The following NBAS variants were observed in gnomAD, a reference collection of about 807,000 sequenced individuals.
The protein encoded by NBAS is NBAS subunit of NRZ tethering complex, also known as NAG/BC035112 fusion.
In NBAS, 219 loss-of-function variants were observed where a neutral mutation model predicts 302.5. That is an observed-to-expected ratio of 0.72 (90% CI 0.65 to 0.81). The LOEUF is 0.81. Among genes scored for constraint, NBAS ranks in the 30% least tolerant of loss-of-function variants. The probability of loss-of-function intolerance (pLI) is 0.00; values close to 1 mark genes in which losing one functional copy is unlikely to be tolerated. For synonymous variants in NBAS, 1,118 were observed against 1,021.6 expected (o/e 1.09, Z -1.80); for missense variants, 2,932 against 2,841.6 (o/e 1.03, Z -0.72).
rs13393701 is a variant in NBAS, at chr2:15,198,853, G to A, written c.6433-8450C>T. 7.4e-3 allele frequency among the ~76,000 whole-genome samples: 1,128 copies of A among 152,216 alleles called. 16 individuals are homozygous for A. The highest frequency in any genetic ancestry group is 0.026 in the African/African-American group (1,081 of 41,528). ...TAAGAGTTAGAAAAATTGGCCGGGC[G>A]CGGTGGCTCACGCCTGTAATCCCAG... On this transcript the variant is annotated intron_variant, in intron 48 of 51. Coordinates refer to ENST00000281513, the MANE Select transcript of NBAS (RefSeq NM_015909.4).
the NBAS span, among the ~76,000 whole-genome samples, chr2:14,858,325 A>G: frequency 1.3e-5 from 2 of 152,172 alleles, no homozygotes; most frequent in African/African-American, 4.8e-5. Flanking sequence ...TACCCAAAAG[A>G]AAGGAAATCA....
At chr2:15,439,336 C>T (rs1342905731) in intron 21 of NBAS, among the ~76,000 whole-genome samples, 2 of 151,544 alleles carry the variant, frequency 1.3e-5, no homozygotes, top group East Asian at 3.9e-4. Flanking sequence ...GAATATTACC[C>T]CAGCAGGTGA....
At chr2:15,186,439 G>GAC (rs1421507021) in intron 50 of NBAS, among the ~76,000 whole-genome samples, 1 of 152,106 alleles carries the variant, frequency 6.6e-6, no homozygotes, top group Non-Finnish European at 1.5e-5. Flanking sequence ...GATAATGCCT[G>GAC]AGCTACCATG....
the NBAS span, among the ~76,000 whole-genome samples, chr2:14,879,712 C>T: frequency 2.4e-4 from 37 of 152,214 alleles, no homozygotes; most frequent in Middle Eastern, 3.4e-3. Flanking sequence ...ATGACTAGAA[C>T]ACTATGCTAC....
At chr2:14,781,529 A>C in the NBAS span, among the ~76,000 whole-genome samples, 37 of 152,140 alleles carry the variant, frequency 2.4e-4, no homozygotes, top group Admixed American at 1.2e-3. Flanking sequence ...CTTTTCTGAA[A>C]ATGGCAGAGG....
rs554254195 is a variant in NBAS at position 15,290,767 on chromosome 2, A to C, written c.5027+1770T>G. Among the ~76,000 whole-genome samples, 47 of 152,340 alleles carry C rather than the reference A, an allele frequency of 3.1e-4. No homozygotes were observed. In the South Asian group the frequency reaches 9.5e-3, roughly 31 times the overall value. On this transcript the variant is annotated intron_variant, in intron 41 of 51. Coordinates refer to ENST00000281513, the MANE Select transcript of NBAS (RefSeq NM_015909.4). ...CGTTATGAAATTATGAACCTCCAGA[A>C]GGACAGAGGAGAAGAGAAAAACAAT...
chr2:14,815,566 C>T, the NBAS span, among the ~76,000 whole-genome samples: 1 of 152,204 alleles, frequency 6.6e-6, no homozygotes, highest in African/African-American at 2.4e-5. Context: ...TCAGCCTCTT[C>T]TCTCTCTGTT....
the NBAS span, among the ~76,000 whole-genome samples, chr2:15,022,524 C>G: frequency 7.9e-5 from 12 of 152,162 alleles, no homozygotes; most frequent in Non-Finnish European, 8.8e-5. Flanking sequence ...TAACATACCC[C>G]CTAAAGAGAA....
chr2:15,413,855 C>T (rs1280337843), intron 25 of NBAS, among the ~76,000 whole-genome samples: 1 of 152,180 alleles, frequency 6.6e-6, no homozygotes, highest in Non-Finnish European at 1.5e-5. Flanking sequence ...TCACTGTTCT[C>T]TGTTTTGAGA....
chr2:15,130,741 C>G, the NBAS span, among the ~76,000 whole-genome samples: 1 of 152,232 alleles, frequency 6.6e-6, no homozygotes, highest in African/African-American at 2.4e-5. Flanking sequence ...GGGATCATCT[C>G]TTCTCGAAGT....
the NBAS span, among the ~76,000 whole-genome samples, chr2:14,894,224 C>T: frequency 6.6e-6 from 1 of 151,860 alleles, no homozygotes; most frequent in Non-Finnish European, 1.5e-5. Flanking sequence ...GAGAGTAAAC[C>T]AAGAAAGAAT....
chr2:15,156,235 C>T, the NBAS span, among the ~76,000 whole-genome samples: 3 of 152,122 alleles, frequency 2.0e-5, no homozygotes, highest in South Asian at 2.1e-4. Flanking sequence ...TCTGTACAAG[C>T]CATGGGCCCT....
chr2:15,034,014 A>G, the NBAS span, among the ~76,000 whole-genome samples: 517 of 48,120 alleles, frequency 0.011, 47 homozygotes, highest in East Asian at 0.21. Context: ...AAGAAGAAGA[A>G]GAAGAAGAAG....
At chr2:14,907,110 C>T in the NBAS span, among the ~76,000 whole-genome samples, 1 of 152,150 alleles carries the variant, frequency 6.6e-6, no homozygotes, top group African/African-American at 2.4e-5. Context: ...CTATCTTTGG[C>T]CCACTAGTGC....
intron 35 of NBAS, among the ~76,000 whole-genome samples, chr2:15,332,122 T>A (rs1047520955): frequency 1.3e-5 from 2 of 152,114 alleles, no homozygotes; most frequent in African/African-American, 2.4e-5. Flanking sequence ...TCAGGCGACA[T>A]CCAGCAAGAT....
the NBAS span, among the ~76,000 whole-genome samples, chr2:15,074,106 T>C: frequency 6.6e-6 from 1 of 152,094 alleles, no homozygotes; most frequent in Non-Finnish European, 1.5e-5. Flanking sequence ...GGTTCAGGAA[T>C]AGACAGAGCA....
chr2:15,447,482 G>A (rs1236694141), intron 21 of NBAS, among the ~76,000 whole-genome samples: 1 of 152,150 alleles, frequency 6.6e-6, no homozygotes, highest in Non-Finnish European at 1.5e-5. Flanking sequence ...CAAGATAGTG[G>A]CTCTCTGGAG....
At chr2:15,424,502 C>A (rs1324479363) in intron 22 of NBAS, 34 bp from the exon 23 acceptor site, 1 of 1,611,428 alleles carries the variant, frequency 6.2e-7, no homozygotes, top group African/African-American at 1.3e-5. Context: ...TAATAACTGA[C>A]TAGAATGTTG....
At chr2:14,855,461 T>C in the NBAS span, among the ~76,000 whole-genome samples, 1 of 151,846 alleles carries the variant, frequency 6.6e-6, no homozygotes, top group Non-Finnish European at 1.5e-5. Flanking sequence ...CCAAGTGGGC[T>C]CTTGGGGGTG....
Sources: allele counts gnomAD v4.1 joint callset (sites outside exome capture counted in the v4.1 genomes callset), GRCh38; gene constraint gnomAD v4.1.1; transcripts MANE v1.5; gene names NCBI Gene and HGNC (gene_info 2026-07-23, HGNC 2026-07-21).